VPS8: variants seen among roughly 807,000 people sequenced by gnomAD.
VPS8 encodes vacuolar protein sorting-associated protein 8 homolog.
VPS8 carries 129 observed loss-of-function variants against 216.4 expected under a neutral mutation model. That is an observed-to-expected ratio of 0.60 (90% CI 0.52 to 0.69). The LOEUF (loss-of-function observed/expected upper bound fraction) is 0.69, where lower values mean the gene tolerates loss of function less well. Among genes scored for constraint, VPS8 ranks in the 30% least tolerant of loss-of-function variants. The pLI is 0.00. For synonymous variants in VPS8, 571 were observed against 565.4 expected (o/e 1.01, Z -0.14); for missense variants, 1,531 against 1,683.5 (o/e 0.91, Z 1.59).
intron 39 of VPS8, among the ~76,000 whole-genome samples, chr3:184,969,700 G>A (rs891462310): frequency 5.3e-5 from 8 of 151,392 alleles, no homozygotes; most frequent in Admixed American, 4.0e-4. Flanking sequence ...AAAGTGTTGG[G>A]ATTACCATCG....
intron 21 of VPS8, among the ~76,000 whole-genome samples, chr3:184,881,341 C>T (rs1217029106): frequency 1.3e-5 from 2 of 152,024 alleles, no homozygotes; most frequent in Non-Finnish European, 2.9e-5. Context: ...AGACTGAGGT[C>T]GAAGTTCCTT....
chr3:184,843,212 C>G, intron 7 of VPS8, 28 bp from the exon 8 acceptor site: 1 of 1,427,794 alleles, frequency 7.0e-7, no homozygotes, highest in Non-Finnish European at 9.2e-7. Flanking sequence ...CTTTATCTTT[C>G]TTGATCTTTT....
At chr3:185,008,333 T>C (rs1561092860) in intron 45 of VPS8, among the ~76,000 whole-genome samples, 1 of 152,306 alleles carries the variant, frequency 6.6e-6, no homozygotes, top group Admixed American at 6.5e-5. Context: ...CAGCCAGTAT[T>C]TAATGTATAC....
intron 38 of VPS8, among the ~76,000 whole-genome samples, chr3:184,965,273 C>A (rs914840742): frequency 6.6e-6 from 1 of 152,134 alleles, no homozygotes; most frequent in Non-Finnish European, 1.5e-5. Context: ...TAAAATAAGC[C>A]AGGAAGAATC....
intron 23 of VPS8, among the ~76,000 whole-genome samples, chr3:184,897,335 G>C (rs907726049): frequency 6.6e-6 from 1 of 152,110 alleles, no homozygotes; most frequent in African/African-American, 2.4e-5. Context: ...GGGTGTGAGA[G>C]TGTGGGAATG....
intron 25 of VPS8, 162 bp downstream of exon 25, chr3:184,901,134 C>T: frequency 1.5e-6 from 1 of 653,914 alleles, no homozygotes; most frequent in Non-Finnish European, 2.6e-6. Context: ...CATAGCTTCT[C>T]ACACTAAAAA....
chr3:184,818,784 A>G (rs1293210817), intron 1 of VPS8, among the ~76,000 whole-genome samples: 2 of 152,196 alleles, frequency 1.3e-5, no homozygotes, highest in Non-Finnish European at 2.9e-5. Context: ...AAAGTATCTC[A>G]TATGACACTT....
intron 3 of VPS8, among the ~76,000 whole-genome samples, chr3:184,829,404 C>T (rs773316434): frequency 1.3e-5 from 2 of 151,962 alleles, no homozygotes; most frequent in Non-Finnish European, 2.9e-5. Context: ...TTAGTAGAGA[C>T]GGGGTTTTGC....
At chr3:184,831,922 C>T (rs1720073609) in intron 3 of VPS8, among the ~76,000 whole-genome samples, 1 of 152,162 alleles carries the variant, frequency 6.6e-6, no homozygotes, top group Non-Finnish European at 1.5e-5. Flanking sequence ...TGGTTCCCAT[C>T]ATGTCTTTCC....
chr3:184,979,401 T>C (rs1043694273), intron 40 of VPS8, among the ~76,000 whole-genome samples: 3 of 152,212 alleles, frequency 2.0e-5, no homozygotes, highest in African/African-American at 7.2e-5. Flanking sequence ...TAGTGGAGTA[T>C]TGAAGTCTCC....
chr3:185,009,503 G>A (rs1271537159), intron 45 of VPS8, among the ~76,000 whole-genome samples: 5 of 152,138 alleles, frequency 3.3e-5, no homozygotes, highest in Non-Finnish European at 5.9e-5. Context: ...ACAAGCCCTT[G>A]TCTAAGTCAC....
Position 184,853,975 on chromosome 3 carries a change from C to G in VPS8, c.940C>G (p.Gln314Glu). The G allele has an allele frequency of 6.2e-7, 1 of 1,613,642 alleles. No individual in the cohort carries two copies. Among genetic ancestry groups the G allele is most frequent in the Non-Finnish European group, 8.5e-7 (1 of 1,179,752 alleles). Residue 314 changes from glutamine to glutamate, a missense_variant, in exon 12 of 48, where the codon CAG (glutamine) becomes GAG (glutamate). Gln to Glu is a conservative substitution (Grantham distance 29). Transcript: ENST00000625842. Reference sequence around the variant, plus strand: ...TGAGTTGAAAGATCATCCCATCACACAGTTTTCATTATTGGCCATGGCATC... The same window carrying G: ...TGAGTTGAAAGATCATCCCATCACAGAGTTTTCATTATTGGCCATGGCATC... ...KPELKDHPIT[Q>E]FSLLAMASLT...
chr3:184,911,869 T>C (rs1736596115), intron 25 of VPS8, among the ~76,000 whole-genome samples: 1 of 152,194 alleles, frequency 6.6e-6, no homozygotes, highest in Admixed American at 6.5e-5. Context: ...GATAAGGTAC[T>C]GGAACAAACC....
intron 40 of VPS8, 114 bp downstream of exon 40, chr3:184,971,866 G>A: frequency 2.6e-6 from 2 of 772,456 alleles, no homozygotes; most frequent in Non-Finnish European, 4.3e-6. Flanking sequence ...CCTGAGGTCA[G>A]GAGTTTGAGA....
chr3:185,023,124 T>C (rs1756881711), intron 45 of VPS8, among the ~76,000 whole-genome samples: 1 of 152,220 alleles, frequency 6.6e-6, no homozygotes, highest in Non-Finnish European at 1.5e-5. Flanking sequence ...TTAATCCCTC[T>C]CTCCTGTTCC....
intron 7 of VPS8, 107 bp downstream of exon 7, chr3:184,839,859 A>G (rs1721795498): frequency 6.9e-7 from 1 of 1,449,358 alleles, no homozygotes; most frequent in Admixed American, 3.0e-5. Context: ...CTTGAACAAA[A>G]CCAGAAAAAC....
chr3:184,849,317 C>G (rs975230798), intron 9 of VPS8, 122 bp downstream of exon 9: 1 of 1,144,182 alleles, frequency 8.7e-7, no homozygotes. Context: ...GTAGAGCTAA[C>G]CAGAGATTGC....
chr3:184,928,355 GA>G (rs1740055552), intron 31 of VPS8, 95 bp from the exon 32 acceptor site: 1 of 1,168,786 alleles, frequency 8.6e-7, no homozygotes. Flanking sequence ...GAATACAAAA[GA>G]AAAAAATTAA....
intron 22 of VPS8, among the ~76,000 whole-genome samples, chr3:184,890,993 G>A (rs1257149500): frequency 6.6e-6 from 1 of 151,844 alleles, no homozygotes; most frequent in Non-Finnish European, 1.5e-5. Flanking sequence ...TATATGGGTA[G>A]CCCTAATGTC....
Sources: gnomAD v4.1 joint callset for allele counts (sites outside exome capture counted in the v4.1 genomes callset) on GRCh38, gnomAD v4.1.1 for gene constraint, MANE v1.5 for transcripts, NCBI Gene and HGNC (gene_info 2026-07-23, HGNC 2026-07-21) for gene names.